RAPGEF5: variants seen among roughly 807,000 people sequenced by gnomAD.
The protein encoded by RAPGEF5 is M-Ras-regulated GEF.
A neutral mutation model predicts 125.2 loss-of-function variants in RAPGEF5; 65 were observed. The ratio of observed to expected loss-of-function variants is 0.52; its 90% CI spans 0.43 to 0.64. The LOEUF (loss-of-function observed/expected upper bound fraction) is 0.64, where lower values mean the gene tolerates loss of function less well. Among genes scored for constraint, RAPGEF5 ranks in the 30% least tolerant of loss-of-function variants. RAPGEF5 has a pLI of 0.00. For synonymous variants in RAPGEF5, 391 were observed against 385.9 expected, an observed-to-expected ratio of 1.01 and a Z score of -0.16; for missense variants, 958 against 1,048.1, an observed-to-expected ratio of 0.91 and a Z score of 1.19.
At position 22,243,279 on chromosome 7, in the gene RAPGEF5, C is replaced by T. The variant is rs553138792; in HGVS notation, c.797-12360G>A. ...GTTTGTTTTTGTTTTGTTCTTGAGACAGAGTCTGACTCAGCCACCCAGGCT... is the reference window on the plus strand; with the variant it reads ...GTTTGTTTTTGTTTTGTTCTTGAGATAGAGTCTGACTCAGCCACCCAGGCT... On this transcript the variant is annotated intron_variant, in intron 7 of 25. Coordinates refer to ENST00000665637, the MANE Select transcript of RAPGEF5 (RefSeq NM_012294.5). 6.6e-5 allele frequency among the ~76,000 whole-genome samples: 10 copies of T among 152,222 alleles called. 1 individual carries two copies. The South Asian group carries it at 1.0e-3, about 16-fold the overall frequency.
At position 22,170,663 on chromosome 7, in the gene RAPGEF5, G is replaced by C. The variant is rs1385048838; in HGVS notation, c.1205-3515C>G. Among the ~76,000 whole-genome samples the C allele has an allele frequency of 2.6e-5, 4 of 152,294 alleles. No individual in the cohort carries two copies. The East Asian group carries it at 7.7e-4, about 29-fold the overall frequency. ...ACCTTAGATAATGAACTGACTACCA[G>C]AGTCTGGTTGGATGGTGGCAAACCC... On this transcript the variant is annotated intron_variant, in intron 11 of 25. Transcript: ENST00000665637.
chr7:22,242,945 C>CT (rs1267793497), intron 7 of RAPGEF5, among the ~76,000 whole-genome samples: 3 of 112,146 alleles, frequency 2.7e-5, no homozygotes, highest in Admixed American at 1.9e-4. Flanking sequence ...GAAACTCCGT[C>CT]TCAAAAAAAA....
chr7:22,178,063 T>C (rs984364360), intron 11 of RAPGEF5, among the ~76,000 whole-genome samples: 8 of 152,124 alleles, frequency 5.3e-5, no homozygotes, highest in Non-Finnish European at 7.4e-5. Flanking sequence ...CACCTGGCCA[T>C]AGCAAATAGA....
intron 3 of RAPGEF5, among the ~76,000 whole-genome samples, chr7:22,312,031 T>TAAACTGTC (rs1176766234): frequency 1.3e-5 from 2 of 152,192 alleles, no homozygotes; most frequent in Non-Finnish European, 2.9e-5. Context: ...CTAAACAAAC[T>TAAACTGTC]AAACTGTCAA....
rs1784035876 is a variant in RAPGEF5 at position 22,162,495 on chromosome 7, G to A, written c.1330C>T (p.Pro444Ser). 1.2e-6 allele frequency: 2 copies of A among 1,608,970 alleles called. No homozygotes were observed. Among genetic ancestry groups the A allele is most frequent in the Non-Finnish European group, 1.7e-6 (2 of 1,175,424 alleles). ...TGCAAGACTTTACGTTTCCTACGCG[G>A]AACGTCTGAGTTTTCCTCTTTGCCT... is the stretch of plus-strand genomic sequence containing the variant. ...YQGKEENSDV[P>S]RRKRKVLHLV... The change falls in exon 13 of 26, where the codon CCG (proline) becomes TCG (serine). Residue 444 changes from proline to serine, a missense_variant. Pro to Ser is a moderately conservative substitution (Grantham distance 74). Coordinates refer to ENST00000665637, the MANE Select transcript of RAPGEF5 (RefSeq NM_012294.5).
In RAPGEF5 at chr7:22,131,101, T is replaced by A. The variant is rs1232875733; in HGVS notation, c.2417A>T (p.Asp806Val). 1.3e-6 allele frequency: 2 copies of A among 1,530,250 alleles called. No homozygotes were observed. 94.8% of individuals were successfully genotyped at this position (1,530,250 alleles called of 1,614,324 possible). Residue 806 changes from aspartate (D) to valine (V), a missense_variant and splice_region_variant, in exon 24 of 26, where the codon GAT becomes GTT. By Grantham distance (152) the Asp-to-Val change is radical. Transcript: ENST00000665637. ...KIPFMPLLLK[D>V]VTFIHEGNKT... Reference sequence around the variant, plus strand: ...ATTTCCTTCATGAATAAATGTTACATCTGAAAATTAAAAACAAAAAGATGT... The same window carrying A: ...ATTTCCTTCATGAATAAATGTTACAACTGAAAATTAAAAACAAAAAGATGT...
chr7:22,254,157 G>A (rs184132087), intron 7 of RAPGEF5, among the ~76,000 whole-genome samples: 2 of 152,108 alleles, frequency 1.3e-5, no homozygotes, highest in African/African-American at 2.4e-5. Context: ...CTCGCATGGT[G>A]AGTCCTGCTA....
In RAPGEF5 at chr7:22,220,142, A is replaced by G. The variant is rs1785749720; in HGVS notation, c.871-151T>C. On this transcript the variant is annotated intron_variant, in intron 8 of 25. Transcript: ENST00000665637. ...AAAATATTTTGCCTTTCAAAAATTG[A>G]AGTTACATTATTATAACCTAAGAGC... is the stretch of plus-strand genomic sequence containing the variant. 3.0e-6 allele frequency: 3 copies of G among 1,000,194 alleles called. No homozygotes were observed. The East Asian group carries it at 7.9e-5, about 26-fold the overall frequency. 62.0% of individuals were successfully genotyped at this position (1,000,194 alleles called of 1,614,324 possible).
intron 9 of RAPGEF5, chr7:22,194,878 G>A (rs1050617845): frequency 3.7e-5 from 18 of 480,418 alleles, no homozygotes; most frequent in Middle Eastern, 1.0e-3. Context: ...CCTCCAACTC[G>A]GAGCCATGAA....
chr7:22,291,166 T>C lies in RAPGEF5; in HGVS notation c.747+9A>G. On this transcript the variant is annotated intron_variant, in intron 6 of 25. Coordinates refer to ENST00000665637, the MANE Select transcript of RAPGEF5 (RefSeq NM_012294.5). ...TGCACCCCTAGGCAGGAAAATTGCA[T>C]GGTCTTACCGCAGATGTTAGACGCA... The C allele has an allele frequency of 1.3e-6, 2 of 1,578,416 alleles. No individual in the cohort carries two copies. Among genetic ancestry groups the C allele is most frequent in the Non-Finnish European group, 1.7e-6 (2 of 1,165,176 alleles).
chr7:22,205,438 C>T (rs1174030652), intron 9 of RAPGEF5, among the ~76,000 whole-genome samples: 1 of 152,208 alleles, frequency 6.6e-6, no homozygotes. Flanking sequence ...TCTCAAACCA[C>T]CCACAATTTC....
At chr7:22,189,644 T>C (rs981435071) in intron 11 of RAPGEF5, among the ~76,000 whole-genome samples, 1 of 152,166 alleles carries the variant, frequency 6.6e-6, no homozygotes, top group Non-Finnish European at 1.5e-5. Flanking sequence ...TTTCAAAATA[T>C]TTCAAGTCAA....
intron 6 of RAPGEF5, among the ~76,000 whole-genome samples, chr7:22,290,326 C>G (rs531945295): frequency 6.6e-6 from 1 of 152,190 alleles, no homozygotes; most frequent in African/African-American, 2.4e-5. Context: ...AGTTTGGTGA[C>G]GTAGGATTGC....
At chr7:22,193,790 A>C in intron 10 of RAPGEF5, 125 bp downstream of exon 10, 1 of 1,604,322 alleles carries the variant, frequency 6.2e-7, no homozygotes, top group Non-Finnish European at 8.5e-7. Flanking sequence ...GGAGAGGCGG[A>C]GAGAAAAGAG....
intron 7 of RAPGEF5, among the ~76,000 whole-genome samples, chr7:22,251,800 G>A (rs1430793367): frequency 3.1e-3 from 175 of 56,134 alleles, no homozygotes; most frequent in African/African-American, 5.4e-3. Context: ...AAAAAAAAAA[G>A]TGGAGGTGCC....
chr7:22,322,340 T>C (rs971198894), intron 1 of RAPGEF5, among the ~76,000 whole-genome samples: 7 of 151,628 alleles, frequency 4.6e-5, no homozygotes, highest in African/African-American at 1.7e-4. Context: ...AGAGACAGGA[T>C]TTCGCCCTAT....
chr7:22,240,189 A>G (rs1047457348), intron 7 of RAPGEF5, among the ~76,000 whole-genome samples: 1 of 147,666 alleles, frequency 6.8e-6, no homozygotes, highest in African/African-American at 2.5e-5. Flanking sequence ...CACCCTGGGC[A>G]TCAGAGCAAG....
chr7:22,329,058 T>A (rs1201007466), intron 1 of RAPGEF5, among the ~76,000 whole-genome samples: 1 of 152,232 alleles, frequency 6.6e-6, no homozygotes, highest in African/African-American at 2.4e-5. Flanking sequence ...TGTGTTTACT[T>A]TTCCTGTTTA....
At chr7:22,305,970 T>C (rs1291347788) in intron 5 of RAPGEF5, among the ~76,000 whole-genome samples, 1 of 152,230 alleles carries the variant, frequency 6.6e-6, no homozygotes, top group South Asian at 2.1e-4. Flanking sequence ...GACACAGAGG[T>C]TGCTTCCAAA....
Sources: allele counts gnomAD v4.1 joint callset (sites outside exome capture counted in the v4.1 genomes callset), GRCh38; gene constraint gnomAD v4.1.1; transcripts MANE v1.5; gene names NCBI Gene and HGNC (gene_info 2026-07-23, HGNC 2026-07-21).